ITFG1: variants seen among roughly 807,000 people sequenced by gnomAD.
ITFG1 encodes the protein integrin alpha FG-GAP repeat containing 1.
Under a neutral mutation model 81.8 loss-of-function variants are expected in ITFG1, and 34 were observed. The ratio of observed to expected loss-of-function variants is 0.42; its 90% CI spans 0.32 to 0.55. The LOEUF is 0.55. ITFG1 is among the 20% of genes least tolerant of loss of function. ITFG1 has a pLI of 0.17. For synonymous variants in ITFG1, 285 were observed against 270.6 expected, an observed-to-expected ratio of 1.05 and a Z score of -0.52; for missense variants, 672 against 755.4, an observed-to-expected ratio of 0.89 and a Z score of 1.29.
At chr16:47,413,913 C>T (rs940323272) in intron 6 of ITFG1, among the ~76,000 whole-genome samples, 5 of 151,946 alleles carry the variant, frequency 3.3e-5, no homozygotes, top group African/African-American at 1.2e-4. Flanking sequence ...CTCTGCCTCC[C>T]GGGTTCAAGT....
At chr16:47,460,693 T>A in intron 1 of ITFG1, 145 bp downstream of exon 1, 1 of 860,214 alleles carries the variant, frequency 1.2e-6, no homozygotes, top group Non-Finnish European at 1.8e-6. Context: ...AAGGACAAGC[T>A]GTTAAGAATG....
chr16:47,359,327 C>A (rs1459431689), intron 8 of ITFG1, among the ~76,000 whole-genome samples: 5 of 152,174 alleles, frequency 3.3e-5, no homozygotes, highest in Non-Finnish European at 5.9e-5. Context: ...TCAAACTTAA[C>A]ATGTCCCAAA....
At chr16:47,217,334 A>C (rs1215608176) in intron 14 of ITFG1, among the ~76,000 whole-genome samples, 1 of 152,192 alleles carries the variant, frequency 6.6e-6, no homozygotes, top group Admixed American at 6.5e-5. Context: ...TTGATATCCC[A>C]CCAGTGAACT....
intron 8 of ITFG1, among the ~76,000 whole-genome samples, chr16:47,352,793 G>A (rs754351403): frequency 1.6e-4 from 25 of 152,164 alleles, no homozygotes; most frequent in Non-Finnish European, 3.1e-4. Flanking sequence ...CAATAGCAAA[G>A]ACTTGGAACC....
At chr16:47,267,246 C>G (rs548320037) in intron 10 of ITFG1, among the ~76,000 whole-genome samples, 1 of 152,008 alleles carries the variant, frequency 6.6e-6, no homozygotes, top group South Asian at 2.1e-4. Flanking sequence ...CAAGTTAAGG[C>G]AAATAAAAAG....
chr16:47,341,727 CA>C (rs1343152843), intron 8 of ITFG1, among the ~76,000 whole-genome samples: 1 of 151,966 alleles, frequency 6.6e-6, no homozygotes, highest in Non-Finnish European at 1.5e-5. Context: ...ACTAAAGTAG[CA>C]AATGAAAGTG....
chr16:47,380,389 C>T (rs1968381443), intron 6 of ITFG1, among the ~76,000 whole-genome samples: 1 of 152,182 alleles, frequency 6.6e-6, no homozygotes, highest in South Asian at 2.1e-4. Context: ...TTCACACACA[C>T]CCCCATTCCT....
At chr16:47,272,174 A>G (rs1966349737) in intron 10 of ITFG1, among the ~76,000 whole-genome samples, 1 of 152,230 alleles carries the variant, frequency 6.6e-6, no homozygotes, top group South Asian at 2.1e-4. Context: ...CACATATTGT[A>G]TAACTGCATA....
At chr16:47,309,028 T>G (rs558462224) in intron 10 of ITFG1, among the ~76,000 whole-genome samples, 18 of 151,918 alleles carry the variant, frequency 1.2e-4, no homozygotes, top group Non-Finnish European at 2.5e-4. Flanking sequence ...AAATATTCAC[T>G]CTATGTGCTC....
At chr16:47,339,061 T>C (rs765573581) in intron 8 of ITFG1, among the ~76,000 whole-genome samples, 19 of 152,258 alleles carry the variant, frequency 1.2e-4, no homozygotes, top group Non-Finnish European at 2.2e-4. Context: ...CAAGTTTGTC[T>C]TTCTGTGCCT....
At chr16:47,318,170 A>T (rs764287057) in intron 8 of ITFG1, among the ~76,000 whole-genome samples, 1 of 152,208 alleles carries the variant, frequency 6.6e-6, no homozygotes, top group African/African-American at 2.4e-5. Flanking sequence ...GGCAACCACC[A>T]TAGCAGTTTC....
intron 8 of ITFG1, among the ~76,000 whole-genome samples, chr16:47,351,187 C>T (rs918711773): frequency 2.0e-5 from 3 of 152,274 alleles, no homozygotes; most frequent in African/African-American, 7.2e-5. Flanking sequence ...TAATATTCAA[C>T]ATAGTGTTGG....
intron 6 of ITFG1, among the ~76,000 whole-genome samples, chr16:47,376,264 T>C (rs1968322949): frequency 6.6e-6 from 1 of 152,170 alleles, no homozygotes; most frequent in East Asian, 1.9e-4. Context: ...TTAAAACAGA[T>C]ATTCTGATCG....
intron 8 of ITFG1, among the ~76,000 whole-genome samples, chr16:47,340,030 G>A (rs1259123032): frequency 6.6e-6 from 1 of 152,124 alleles, no homozygotes; most frequent in Non-Finnish European, 1.5e-5. Context: ...AGAAACGACA[G>A]AGGCCAGCAG....
chr16:47,268,893 C>T (rs774781368), intron 10 of ITFG1, among the ~76,000 whole-genome samples: 11 of 151,498 alleles, frequency 7.3e-5, no homozygotes, highest in Non-Finnish European at 1.3e-4. Context: ...GTTTAACAAA[C>T]GAAAAAAAGG....
chr16:47,322,519 T>C (rs958200232), intron 8 of ITFG1, among the ~76,000 whole-genome samples: 1 of 151,966 alleles, frequency 6.6e-6, no homozygotes, highest in Non-Finnish European at 1.5e-5. Flanking sequence ...CAAAACCCCA[T>C]CTCTACTAAA....
At chr16:47,410,338 A>C (rs1016819081) in intron 6 of ITFG1, among the ~76,000 whole-genome samples, 8 of 152,124 alleles carry the variant, frequency 5.3e-5, no homozygotes, top group Non-Finnish European at 1.0e-4. Flanking sequence ...CAATTCCAAG[A>C]AAAATAATTG....
intron 12 of ITFG1, among the ~76,000 whole-genome samples, chr16:47,258,094 A>G (rs527287713): frequency 7.9e-5 from 12 of 152,348 alleles, no homozygotes; most frequent in African/African-American, 2.9e-4. Context: ...AGGGGAAAAC[A>G]GTGAGTTTAG....
intron 8 of ITFG1, among the ~76,000 whole-genome samples, chr16:47,315,247 A>G (rs751569816): frequency 2.3e-4 from 35 of 152,198 alleles, no homozygotes; most frequent in Admixed American, 5.2e-4. Flanking sequence ...AGAGACAAAG[A>G]TGCAATTCTA....
Sources: allele counts gnomAD v4.1 joint callset (sites outside exome capture counted in the v4.1 genomes callset), GRCh38; gene constraint gnomAD v4.1.1; transcripts MANE v1.5; gene names NCBI Gene and HGNC (gene_info 2026-07-23, HGNC 2026-07-21).